Variants in DLG5 observed in about 807,000 individuals in gnomAD.
The protein encoded by DLG5 is disks large homolog 5.
In DLG5, 48 loss-of-function variants were observed where a neutral mutation model predicts 189.8. That is an observed-to-expected ratio of 0.25 (90% confidence interval 0.20 to 0.32). The LOEUF is 0.32. Among genes scored for constraint, DLG5 ranks in the 10% least tolerant of loss-of-function variants. The pLI is 1.00. For synonymous variants in DLG5, 1,016 were observed against 1,054.1 expected (o/e 0.96, Z 0.70); for missense variants, 2,160 against 2,544.7 (o/e 0.85, Z 3.25).
chr10:77,908,550 G>T (rs1052873608), intron 1 of DLG5, among the ~76,000 whole-genome samples: 2 of 152,106 alleles, frequency 1.3e-5, no homozygotes, highest in African/African-American at 4.8e-5. Context: ...GCTCCAATCA[G>T]AAGCCCTGAA....
chr10:77,819,502 G>A, intron 16 of DLG5, 37 bp from the exon 17 acceptor site: 5 of 1,592,940 alleles, frequency 3.1e-6, no homozygotes, highest in Non-Finnish European at 4.3e-6. Context: ...CGCCCCAAAG[G>A]ACCCAGCCAG....
chr10:77,890,721 T>C (rs1486136732), intron 1 of DLG5, among the ~76,000 whole-genome samples: 2 of 152,162 alleles, frequency 1.3e-5, no homozygotes, highest in African/African-American at 2.4e-5. Flanking sequence ...CACTTGGATG[T>C]CTCAAGGTAG....
upstream of DLG5, chr10:77,926,947 A>G: frequency 5.3e-6 from 2 of 377,932 alleles, no homozygotes; most frequent in South Asian, 3.5e-5. The surrounding 1 kb of genome is among the most constrained non-coding windows in gnomAD (Gnocchi z 5.2). Context: ...GCAAGACTAC[A>G]ACTCCCGGGA....
At chr10:77,932,434 GT>G in the DLG5 span, among the ~76,000 whole-genome samples, 1 of 152,176 alleles carries the variant, frequency 6.6e-6, no homozygotes, top group Non-Finnish European at 1.5e-5. Context: ...AAACTAAAGA[GT>G]TTTGCATTGA....
At chr10:77,844,086 T>A (rs1843565543) in intron 5 of DLG5, among the ~76,000 whole-genome samples, 1 of 152,204 alleles carries the variant, frequency 6.6e-6, no homozygotes, top group Admixed American at 6.5e-5. Flanking sequence ...TAAGCAGCTC[T>A]GGTACTGAGC....
In DLG5 at chr10:77,805,541, C is replaced by T. The variant is rs1377242556; in HGVS notation, c.5164+124G>A. 15 of 1,138,484 alleles carry T rather than the reference C, an allele frequency of 1.3e-5. No individual in the cohort carries two copies. The Admixed American group carries it at 3.1e-4, about 23-fold the overall frequency. The allele number at this position is 1,138,484 out of a possible 1,614,324, so 70.5% of individuals were successfully genotyped here. A position where few individuals can be genotyped will look rare whatever the true frequency, so the allele number is the denominator to read the frequency against. On this transcript the variant is annotated intron_variant, in intron 27 of 31. Coordinates refer to ENST00000372391, the MANE Select transcript of DLG5 (RefSeq NM_004747.4). Reference sequence around the variant, plus strand: ...ACCCCCCGACCAAGCCGAACACACACCTTCAGACTTGCGCACAAAAGCAAA... The same window carrying T: ...ACCCCCCGACCAAGCCGAACACACATCTTCAGACTTGCGCACAAAAGCAAA...
chr10:77,910,987 G>GAAAAAAA (rs55832630), intron 1 of DLG5, among the ~76,000 whole-genome samples: 13 of 84,198 alleles, frequency 1.5e-4, no homozygotes, highest in Admixed American at 4.6e-4. Flanking sequence ...CTGTCTGAAG[G>GAAAAAAA]AAAAAAAAAA....
At chr10:77,921,641 T>C (rs1846536747) in intron 1 of DLG5, among the ~76,000 whole-genome samples, 1 of 152,118 alleles carries the variant, frequency 6.6e-6, no homozygotes, top group Admixed American at 6.6e-5. Context: ...GCCTGTGCGG[T>C]CCAGCCTACG....
intron 25 of DLG5, 134 bp downstream of exon 25, chr10:77,807,662 A>T (rs1258309611): frequency 9.7e-7 from 1 of 1,031,768 alleles, no homozygotes; most frequent in Admixed American, 2.4e-5. Flanking sequence ...GTGCAGATTG[A>T]GTGTCAAGGA....
chr10:77,892,061 C>T (rs142583094), intron 1 of DLG5, among the ~76,000 whole-genome samples: 216 of 152,332 alleles, frequency 1.4e-3, no homozygotes, highest in African/African-American at 5.1e-3. Context: ...GTCCCAGACT[C>T]GGGAGGACGG....
upstream of DLG5, chr10:77,928,749 AG>A (rs2131894822): frequency 6.6e-6 from 1 of 152,344 alleles, no homozygotes; most frequent in African/African-American, 2.4e-5. Flanking sequence ...TTTTTTGGCC[AG>A]GCAAAGTGGC....
Position 77,821,227 on chromosome 10 carries a change from G to T in DLG5, c.3257C>A (p.Ser1086Tyr). The change falls in exon 15 of 32, where the codon TCC becomes TAC. Residue 1086 changes from serine to tyrosine, a missense_variant. By Grantham distance (144) the Ser-to-Tyr change is moderately radical (BLOSUM62 -2). This residue lies in a region of DLG5 where 754 missense variants were observed against 746.5 expected (regional missense o/e 1.01). Transcript: ENST00000372391. ...ACAGGATTTCTTGGCCGGCAGGTGG[G>T]AGGAGTCCCCATCTCCTTCAGGGTA... ...SYYPEGDGDS[S>Y]HLPAKKSCDE... The T allele has an allele frequency of 2.5e-6, 4 of 1,614,128 alleles. No individual in the cohort carries two copies. Among genetic ancestry groups the T allele is most frequent in the Non-Finnish European group, 3.4e-6 (4 of 1,180,042 alleles).
At chr10:77,861,115 T>G (rs954331840) in intron 2 of DLG5, among the ~76,000 whole-genome samples, 5 of 152,138 alleles carry the variant, frequency 3.3e-5, no homozygotes, top group African/African-American at 7.2e-5. Flanking sequence ...CTCTGTAATG[T>G]CACACACCCA....
chr10:77,833,835 C>A, intron 9 of DLG5, 79 bp downstream of exon 9: 2 of 1,567,918 alleles, frequency 1.3e-6, no homozygotes, highest in East Asian at 2.2e-5. Flanking sequence ...ATGCACTCAG[C>A]ATTGCCTTGC....
intron 22 of DLG5, 92 bp from the exon 23 acceptor site, chr10:77,811,326 G>T: frequency 6.7e-7 from 1 of 1,497,526 alleles, no homozygotes. Context: ...GCTATAAATG[G>T]GGACCAGGTC....
chr10:77,907,279 A>G (rs1846094899), intron 1 of DLG5, among the ~76,000 whole-genome samples: 1 of 152,178 alleles, frequency 6.6e-6, no homozygotes, highest in South Asian at 2.1e-4. Flanking sequence ...TGGGACAATC[A>G]TAAGAATGAA....
intron 6 of DLG5, 135 bp from the exon 7 acceptor site, chr10:77,842,328 AC>A: frequency 3.7e-6 from 4 of 1,075,684 alleles, no homozygotes; most frequent in Non-Finnish European, 5.2e-6. Context: ...CACTCTCTCC[AC>A]CCCCAGGAGA....
intron 20 of DLG5, chr10:77,815,977 G>A (rs41274584): frequency 5.1e-6 from 2 of 389,558 alleles, no homozygotes; most frequent in South Asian, 1.9e-5. Flanking sequence ...ACCTAAGATG[G>A]ACCTACATTC....
chr10:77,792,674 C>G, intron 31 of DLG5, 131 bp from the exon 32 acceptor site: 1 of 762,722 alleles, frequency 1.3e-6, no homozygotes, highest in Non-Finnish European at 2.2e-6. Flanking sequence ...CTGCTCCATC[C>G]CCACCTGACT....
Sources: allele counts gnomAD v4.1 joint callset (sites outside exome capture counted in the v4.1 genomes callset), GRCh38; gene constraint gnomAD v4.1.1; regional missense constraint gnomAD v4.1.1; non-coding constraint Gnocchi (gnomAD v3.1); transcripts MANE v1.5; gene names NCBI Gene and HGNC (gene_info 2026-07-23, HGNC 2026-07-21).